Variants in NKD2 observed in about 807,000 individuals in gnomAD.
NKD2 encodes the protein protein naked cuticle homolog 2.
In NKD2, 43 loss-of-function variants were observed where a neutral mutation model predicts 34.8. The ratio of observed to expected loss-of-function variants is 1.24; its 90% CI spans 0.97 to 1.60. The LOEUF is 1.60. Ranked by LOEUF, NKD2 falls within the 40% of genes most tolerant of loss-of-function variation. The probability of loss-of-function intolerance (pLI) is 0.00; values close to 1 mark genes in which losing one functional copy is unlikely to be tolerated. For synonymous variants in NKD2, 278 were observed against 265.1 expected (o/e 1.05, Z -0.47); for missense variants, 675 against 627.1 (o/e 1.08, Z -0.82).
rs3840989 is a variant in NKD2, at chr5:1,038,331, GCACCACCAC to G, written c.1333_1341del (p.His445_His447del). 2,643 of 1,528,554 alleles carry G rather than the reference GCACCACCAC, an allele frequency of 1.7e-3. 63 individuals carry two copies. In the East Asian group the frequency reaches 0.051, roughly 29 times the overall value. 94.7% of individuals were successfully genotyped at this position (1,528,554 alleles called of 1,614,324 possible). A position where few individuals can be genotyped will look rare whatever the true frequency, so the allele number is the denominator to read the frequency against. ...GGCACGAGCACCACCACCACCACGA[GCACCACCAC>G]CACCACCACCACCACCACTTCCACC... On this transcript the variant is annotated inframe_deletion, in exon 10 of 10. Transcript: ENST00000296849. The surrounding 1 kb of genome is among the most constrained non-coding windows in gnomAD (Gnocchi z 4.5).
In NKD2 at chr5:1,038,002, C is replaced by A. The variant is rs779011116; in HGVS notation, c.985C>A (p.Gln329Lys). The change falls in exon 10 of 10, where the codon CAG becomes AAG. Residue 329 changes from glutamine to lysine, a missense_variant. Gln to Lys is a moderately conservative substitution (Grantham distance 53, BLOSUM62 1). Coordinates refer to ENST00000296849, the MANE Select transcript of NKD2 (RefSeq NM_033120.4). This position sits in a 1 kb window ranked among gnomAD's most constrained non-coding sequence, Gnocchi z 4.5. ...GCCCCGGCCGAAGGGGCCGGAGAAG[C>A]AGTTCCTCAAGTCCCCCAAGGGCTC... ...TQPRPKGPEK[Q>K]FLKSPKGSGK... 8 of 1,607,344 alleles carry A rather than the reference C, an allele frequency of 5.0e-6. No individual in the cohort carries two copies. The highest frequency in any genetic ancestry group is 1.1e-5 in the South Asian group (1 of 90,644).
At chr5:1,035,709 C>T (rs1005203282) in intron 8 of NKD2, 8 of 543,410 alleles carry the variant, frequency 1.5e-5, no homozygotes, top group East Asian at 6.1e-5. Context: ...GCAGCCACAG[C>T]GGCCTTGACA....
intron 3 of NKD2, among the ~76,000 whole-genome samples, chr5:1,023,708 C>G (rs1756293990): frequency 5.5e-4 from 1 of 1,810 alleles, no homozygotes; most frequent in African/African-American, 5.8e-4. Flanking sequence ...GCGTCTCAGC[C>G]CATTGCCCCT....
chr5:1,028,491 G>T (rs1330494450), intron 3 of NKD2, among the ~76,000 whole-genome samples: 5 of 152,230 alleles, frequency 3.3e-5, no homozygotes, highest in African/African-American at 1.2e-4. Context: ...ATGGGATGAG[G>T]CCCCACGGGG....
At position 1,009,574 on chromosome 5, in the gene NKD2, C is replaced by CAAGCAGGTA. The variant is rs1280995184; in HGVS notation, c.141+14_141+15insAAGCAGGTA. 1 of 1,467,516 alleles carries CAAGCAGGTA rather than the reference C, an allele frequency of 6.8e-7. No individual in the cohort carries two copies. 90.9% of individuals were successfully genotyped at this position (1,467,516 alleles called of 1,614,324 possible). On this transcript the variant is annotated intron_variant, in intron 3 of 9. Transcript: ENST00000296849. This position sits in a 1 kb window ranked among gnomAD's most constrained non-coding sequence, Gnocchi z 6.9. The stretch of plus-strand genomic sequence containing the variant: ...CGGGACAAGCAGGTAGGCGGCGGGG[C>CAAGCAGGTA]GGAGGCTGGGGTCGCGCTGCGCACC...
intron 3 of NKD2, among the ~76,000 whole-genome samples, chr5:1,015,899 A>G (rs1755930946): frequency 6.6e-6 from 1 of 152,200 alleles, no homozygotes; most frequent in Non-Finnish European, 1.5e-5. Flanking sequence ...TCCCGAGCCC[A>G]GGACCCCTAA....
intron 6 of NKD2, 142 bp downstream of exon 6, chr5:1,034,472 C>T: frequency 1.3e-6 from 1 of 760,574 alleles, no homozygotes; most frequent in South Asian, 1.5e-5. Context: ...TGCGTCTCCC[C>T]AGGGCCCAGT....
At chr5:1,027,344 C>T (rs1050613733) in intron 3 of NKD2, among the ~76,000 whole-genome samples, 1 of 152,218 alleles carries the variant, frequency 6.6e-6, no homozygotes, top group Non-Finnish European at 1.5e-5. Context: ...CTGTGTCAGG[C>T]GGTGTAGGAG....
intron 3 of NKD2, among the ~76,000 whole-genome samples, chr5:1,019,713 G>A (rs1338816437): frequency 2.0e-5 from 3 of 152,332 alleles, no homozygotes; most frequent in African/African-American, 4.8e-5. Flanking sequence ...TAAGGACATC[G>A]ACGTTGCATG....
At chr5:1,011,746 C>T (rs1755759488) in intron 3 of NKD2, among the ~76,000 whole-genome samples, 1 of 152,252 alleles carries the variant, frequency 6.6e-6, no homozygotes, top group Non-Finnish European at 1.5e-5. Context: ...TTATTAATTC[C>T]CTGTGAGCAA....
chr5:1,019,674 AAC>A (rs1254215713), intron 3 of NKD2, among the ~76,000 whole-genome samples: 1 of 152,214 alleles, frequency 6.6e-6, no homozygotes, highest in Non-Finnish European at 1.5e-5. Context: ...TAAGCCCCTC[AAC>A]CAGCATTTTC....
At chr5:1,030,257 T>G (rs1264734064) in intron 3 of NKD2, among the ~76,000 whole-genome samples, 1 of 151,944 alleles carries the variant, frequency 6.6e-6, no homozygotes, top group Non-Finnish European at 1.5e-5. Context: ...TGACAGTGCC[T>G]GCGTCCCTCA....
chr5:1,012,228 T>C (rs1163689774), intron 3 of NKD2, among the ~76,000 whole-genome samples: 1 of 152,266 alleles, frequency 6.6e-6, no homozygotes, highest in African/African-American at 2.4e-5. Context: ...AATGTTGTTG[T>C]GAATGGAGCA....
chr5:1,012,771 C>T (rs1297886211), intron 3 of NKD2, among the ~76,000 whole-genome samples: 1 of 151,588 alleles, frequency 6.6e-6, no homozygotes, highest in Non-Finnish European at 1.5e-5. Flanking sequence ...TGGGGCTGCC[C>T]CTTCCCTGCC....
chr5:1,012,754 G>C (rs1193477859), intron 3 of NKD2, among the ~76,000 whole-genome samples: 1 of 152,236 alleles, frequency 6.6e-6, no homozygotes, highest in Non-Finnish European at 1.5e-5. Flanking sequence ...TCCCCCAGAG[G>C]CAGGGGTGGG....
intron 3 of NKD2, among the ~76,000 whole-genome samples, chr5:1,018,908 G>A (rs1018406670): frequency 1.3e-5 from 2 of 152,176 alleles, no homozygotes; most frequent in Admixed American, 6.5e-5. Flanking sequence ...CTTGGCCTCC[G>A]AAAGGGCAGA....
chr5:1,008,961 T>G lies in NKD2; in HGVS notation c.-97T>G, dbSNP rs1449353473. The stretch of plus-strand genomic sequence containing the variant: ...CTCACCTCCTACCGGCACCCTAGCT[T>G]GCTCCCGGCCCATGCGGCCCCCGCG... On this transcript the variant is annotated 5_prime_UTR_variant, in exon 1 of 10. Coordinates refer to ENST00000296849, the MANE Select transcript of NKD2 (RefSeq NM_033120.4). 2 of 406,858 alleles carry G rather than the reference T, an allele frequency of 4.9e-6. No individual in the cohort carries two copies. Among genetic ancestry groups the G allele is most frequent in the East Asian group, 7.3e-5 (2 of 27,358 alleles). 25.2% of individuals were successfully genotyped at this position (406,858 alleles called of 1,614,324 possible). A position where few individuals can be genotyped will look rare whatever the true frequency, so the allele number is the denominator to read the frequency against.
At position 1,036,256 on chromosome 5, in the gene NKD2, G is replaced by A. The variant is rs745945031; in HGVS notation, c.660-1G>A. 6.3e-7 allele frequency: 1 copy of A among 1,593,730 alleles called. No individual in the cohort carries two copies. The highest frequency in any genetic ancestry group is 1.1e-5 in the South Asian group (1 of 88,392). ...CAGGCCCTTCTCTGTGCTCCAAGCA[G>A]GAGGCCCAGTACTGACCCCCAGCCC... On this transcript the variant is annotated splice_acceptor_variant, in intron 8 of 9. Coordinates refer to ENST00000296849, the MANE Select transcript of NKD2 (RefSeq NM_033120.4). LOFTEE classifies it high-confidence loss of function.
chr5:1,034,795 G>C lies in NKD2; in HGVS notation c.466G>C (p.Asp156His), dbSNP rs1234384816. The part of the protein sequence containing the change: ...SLMHTIYEVV[D>H]ASVNHSSGSS... Reference sequence around the variant, plus strand: ...CATGCACACCATCTATGAGGTCGTGGATGCCTCGGTCAACCACTCCTCGGG... The same window carrying C: ...CATGCACACCATCTATGAGGTCGTGCATGCCTCGGTCAACCACTCCTCGGG... Residue 156 changes from aspartate (D) to histidine (H), a missense_variant, in exon 7 of 10, where the codon GAT becomes CAT. Transcript: ENST00000296849. 2 of 1,612,680 alleles carry C rather than the reference G, an allele frequency of 1.2e-6. No individual in the cohort carries two copies. The highest frequency in any genetic ancestry group is 2.7e-5 in the African/African-American group (2 of 74,900).
Sources: gnomAD v4.1 joint callset for allele counts (sites outside exome capture counted in the v4.1 genomes callset) on GRCh38, gnomAD v4.1.1 for gene constraint, Gnocchi (gnomAD v3.1) non-coding constraint, MANE v1.5 for transcripts, NCBI Gene and HGNC (gene_info 2026-07-23, HGNC 2026-07-21) for gene names.